PTPRN2: variants seen among roughly 807,000 people sequenced by gnomAD.
The protein encoded by PTPRN2 is protein tyrosine phosphatase receptor type N2.
Under a neutral mutation model 118.8 loss-of-function variants are expected in PTPRN2, and 74 were observed. That is an observed-to-expected ratio of 0.62 (90% CI 0.52 to 0.76). PTPRN2 has a LOEUF of 0.76. Among genes scored for constraint, PTPRN2 ranks in the 30% least tolerant of loss-of-function variants. PTPRN2 has a pLI of 0.00. For synonymous variants in PTPRN2, 641 were observed against 608.0 expected, an observed-to-expected ratio of 1.05 and a Z score of -0.80; for missense variants, 1,481 against 1,394.4, an observed-to-expected ratio of 1.06 and a Z score of -0.99.
intron 6 of PTPRN2, among the ~76,000 whole-genome samples, chr7:158,154,235 C>G (rs190238144): frequency 4.1e-4 from 63 of 152,336 alleles, no homozygotes; most frequent in Middle Eastern, 6.8e-3. Flanking sequence ...AAACCGGGCT[C>G]AAACTCCACC....
intron 3 of PTPRN2, among the ~76,000 whole-genome samples, chr7:158,239,936 G>A (rs1340580079): frequency 6.6e-6 from 1 of 152,096 alleles, no homozygotes; most frequent in Admixed American, 6.5e-5. Flanking sequence ...GGTGTGGTGC[G>A]GGCAATACAC....
rs2128754968 is a variant in PTPRN2, at chr7:157,903,909, T to C, written c.1724-5172A>G. Among the ~76,000 whole-genome samples, 1 of 152,322 alleles carries C rather than the reference T, an allele frequency of 6.6e-6. No homozygotes were observed. Among genetic ancestry groups the C allele is most frequent in the South Asian group, 2.1e-4 (1 of 4,826 alleles). On this transcript the variant is annotated intron_variant, in intron 11 of 22. Transcript: ENST00000389418. The surrounding 1 kb of genome is among the most constrained non-coding windows in gnomAD (Gnocchi z 4.2). ...GCTGTGAGGACCACGTGGGAGCCTCTGAGCCAGCATGGCCCAGGTCTCAGC... is the reference window on the plus strand; with the variant it reads ...GCTGTGAGGACCACGTGGGAGCCTCCGAGCCAGCATGGCCCAGGTCTCAGC...
chr7:158,150,547 C>T (rs1430746985), intron 6 of PTPRN2, among the ~76,000 whole-genome samples: 5 of 152,150 alleles, frequency 3.3e-5, no homozygotes, highest in Admixed American at 3.3e-4. Flanking sequence ...CTCCTGGAGC[C>T]CAGAAACAAG....
chr7:157,553,418 C>T (rs1045716806), intron 21 of PTPRN2, among the ~76,000 whole-genome samples: 1 of 152,204 alleles, frequency 6.6e-6, no homozygotes, highest in Non-Finnish European at 1.5e-5. Flanking sequence ...GGGGCTCTCC[C>T]TCCGCGTGCA....
intron 11 of PTPRN2, 129 bp from the exon 12 acceptor site, chr7:157,898,866 G>T (rs1797282707): frequency 1.2e-6 from 1 of 820,906 alleles, no homozygotes. Context: ...CTTAATGGAA[G>T]GGTCATGAAC....
At position 157,563,522 on chromosome 7, in the gene PTPRN2, C is replaced by G. The variant is rs1182927554; in HGVS notation, c.2902+5380G>C. 3.6e-4 allele frequency among the ~76,000 whole-genome samples: 45 copies of G among 123,448 alleles called. 1 individual carries two copies. Among genetic ancestry groups the G allele is most frequent in the South Asian group, 1.9e-3 (6 of 3,208 alleles). 81.0% of individuals were successfully genotyped at this position (123,448 alleles called of 152,430 possible). On this transcript the variant is annotated intron_variant, in intron 21 of 22. Coordinates refer to ENST00000389418, the MANE Select transcript of PTPRN2 (RefSeq NM_002847.5). ...GACCACGTGGTCCCGCATCACCACA[C>G]ACAGCAGATCAGGACCACGTGCTCC...
chr7:157,847,073 T>A (rs558266209), intron 12 of PTPRN2, among the ~76,000 whole-genome samples: 1 of 148,176 alleles, frequency 6.7e-6, no homozygotes, highest in Non-Finnish European at 1.5e-5. Flanking sequence ...ACATCTTCTG[T>A]GCCCGATGTT....
At chr7:158,193,506 C>T (rs956267712) in intron 4 of PTPRN2, among the ~76,000 whole-genome samples, 1 of 152,076 alleles carries the variant, frequency 6.6e-6, no homozygotes, top group Non-Finnish European at 1.5e-5. Flanking sequence ...TATGGGGAGC[C>T]CTGGTGGAGG....
chr7:157,960,998 C>A (rs1254826799), intron 11 of PTPRN2, among the ~76,000 whole-genome samples: 1 of 152,136 alleles, frequency 6.6e-6, no homozygotes, highest in Non-Finnish European at 1.5e-5. Context: ...CAGAGCGAGA[C>A]TCCGTCTCAA....
At chr7:157,875,014 GACACACAGAC>G (rs1387162485) in intron 12 of PTPRN2, among the ~76,000 whole-genome samples, 2 of 94,230 alleles carry the variant, frequency 2.1e-5, no homozygotes, top group African/African-American at 3.8e-5. Flanking sequence ...CATGCACACA[GACACACAGAC>G]ACACGCAGAC....
At chr7:157,796,085 C>G (rs543858622) in intron 12 of PTPRN2, among the ~76,000 whole-genome samples, 5 of 152,224 alleles carry the variant, frequency 3.3e-5, no homozygotes, top group Admixed American at 2.6e-4. Flanking sequence ...ACGTGAGATA[C>G]GGCCTCCACA....
intron 13 of PTPRN2, among the ~76,000 whole-genome samples, chr7:157,661,339 G>A (rs1253708580): frequency 6.6e-6 from 1 of 152,296 alleles, no homozygotes; most frequent in African/African-American, 2.4e-5. Flanking sequence ...GGAGACCCGT[G>A]GCGGCAGCTC....
chr7:158,312,773 CCACACA>C (rs78818391), intron 3 of PTPRN2, among the ~76,000 whole-genome samples: 35,466 of 141,534 alleles, frequency 0.25, 4,811 homozygotes, highest in East Asian at 0.39. Context: ...GTGTAGATAC[CCACACA>C]CGCACACACA....
chr7:157,937,123 C>A (rs191444074), intron 11 of PTPRN2, among the ~76,000 whole-genome samples: 1 of 152,178 alleles, frequency 6.6e-6, no homozygotes, highest in Non-Finnish European at 1.5e-5. Flanking sequence ...CCCTGAACAC[C>A]GTGGGTCTGA....
rs1236660835 is a variant in PTPRN2, at chr7:158,138,286, G to A, written c.1132+8C>T. ...CCTGGGTGTGGGCACCCATGGCGCTGCAGTCACCTGGAAAGCTGTCTCCAC... is the reference window on the plus strand; with the variant it reads ...CCTGGGTGTGGGCACCCATGGCGCTACAGTCACCTGGAAAGCTGTCTCCAC... On this transcript the variant is annotated splice_region_variant and intron_variant, in intron 7 of 22. Transcript: ENST00000389418. 6.2e-7 allele frequency: 1 copy of A among 1,611,736 alleles called. No homozygotes were observed. The highest frequency in any genetic ancestry group is 1.7e-5 in the Admixed American group (1 of 60,006).
At chr7:158,202,508 T>G (rs1826719469) in intron 4 of PTPRN2, among the ~76,000 whole-genome samples, 1 of 152,172 alleles carries the variant, frequency 6.6e-6, no homozygotes, top group Non-Finnish European at 1.5e-5. Flanking sequence ...CTGCCCTCCA[T>G]GCTGGGTGCA....
At chr7:158,284,106 C>A (rs931478023) in intron 3 of PTPRN2, among the ~76,000 whole-genome samples, 1 of 152,216 alleles carries the variant, frequency 6.6e-6, no homozygotes, top group Admixed American at 6.5e-5. Context: ...TTCTCTCAAG[C>A]GCGTTTACAC....
chr7:157,809,475 C>T (rs910703327), intron 12 of PTPRN2, among the ~76,000 whole-genome samples: 5 of 152,176 alleles, frequency 3.3e-5, no homozygotes, highest in Non-Finnish European at 2.9e-5. Context: ...GGCACTGTGG[C>T]GAGCAGAACC....
rs1022886437 is a variant in PTPRN2 at position 157,560,118 on chromosome 7, G to A, written c.2902+8784C>T. ...GCCTGAGGTGTCTGCGTGACCATGA[G>A]GAGAAGCGGAGGACAGCCCAGGTGA... On this transcript the variant is annotated intron_variant, in intron 21 of 22. Coordinates refer to ENST00000389418, the MANE Select transcript of PTPRN2 (RefSeq NM_002847.5). This position sits in a 1 kb window ranked among gnomAD's most constrained non-coding sequence, Gnocchi z 6.7. 5.9e-5 allele frequency among the ~76,000 whole-genome samples: 9 copies of A among 152,084 alleles called. No individual in the cohort carries two copies. The highest frequency in any genetic ancestry group is 5.2e-4 in the Admixed American group (8 of 15,280).
Sources: gnomAD v4.1 joint callset for allele counts (sites outside exome capture counted in the v4.1 genomes callset) on GRCh38, gnomAD v4.1.1 for gene constraint, Gnocchi (gnomAD v3.1) non-coding constraint, MANE v1.5 for transcripts, NCBI Gene and HGNC (gene_info 2026-07-23, HGNC 2026-07-21) for gene names.